Variants in GUCY1A2 observed in about 807,000 individuals in gnomAD.
GUCY1A2 encodes the protein guanylate cyclase soluble subunit alpha-2.
GUCY1A2 carries 27 observed loss-of-function variants against 63.5 expected under a neutral mutation model. The ratio of observed to expected loss-of-function variants is 0.43; its 90% CI spans 0.31 to 0.59. GUCY1A2 has a LOEUF of 0.59. Among genes scored for constraint, GUCY1A2 ranks in the 20% least tolerant of loss-of-function variants. The pLI is 0.11. For synonymous variants in GUCY1A2, 364 were observed against 343.5 expected (o/e 1.06, Z -0.66); for missense variants, 768 against 913.3 (o/e 0.84, Z 2.05).
At chr11:106,911,563 C>T (rs1377153662) in intron 4 of GUCY1A2, among the ~76,000 whole-genome samples, 1 of 151,976 alleles carries the variant, frequency 6.6e-6, no homozygotes, top group Non-Finnish European at 1.5e-5. Context: ...TTTAAATGCC[C>T]AAAGGTTGAT....
intron 4 of GUCY1A2, among the ~76,000 whole-genome samples, chr11:106,905,198 A>G (rs1860187483): frequency 6.6e-6 from 1 of 152,142 alleles, no homozygotes. Context: ...GAACAAAAAT[A>G]GACTGTTATA....
At chr11:106,718,826 T>C (rs965617726) in intron 6 of GUCY1A2, among the ~76,000 whole-genome samples, 1 of 152,090 alleles carries the variant, frequency 6.6e-6, no homozygotes, top group African/African-American at 2.4e-5. Context: ...CTGACCACTA[T>C]AATGAAGAGT....
chr11:107,007,472 G>C (rs80294320), intron 1 of GUCY1A2, among the ~76,000 whole-genome samples: 1 of 152,182 alleles, frequency 6.6e-6, no homozygotes, highest in South Asian at 2.1e-4. Context: ...CCACTCCAGC[G>C]GATTGTCCCC....
chr11:106,832,028 A>G (rs1336432625), intron 4 of GUCY1A2, among the ~76,000 whole-genome samples: 1 of 152,210 alleles, frequency 6.6e-6, no homozygotes, highest in Non-Finnish European at 1.5e-5. Flanking sequence ...TCTATGCCAT[A>G]AATTAATTAA....
At chr11:106,793,164 T>A (rs1453097578) in intron 5 of GUCY1A2, among the ~76,000 whole-genome samples, 2 of 152,100 alleles carry the variant, frequency 1.3e-5, no homozygotes, top group African/African-American at 4.8e-5. Flanking sequence ...TGATTGCATA[T>A]AAACAGACAC....
At chr11:106,904,830 A>G (rs1409553270) in intron 4 of GUCY1A2, among the ~76,000 whole-genome samples, 8 of 152,080 alleles carry the variant, frequency 5.3e-5, no homozygotes. Flanking sequence ...GAAAAAAAGT[A>G]TGATGCCAAT....
chr11:106,850,779 T>C (rs1591301646), intron 4 of GUCY1A2, among the ~76,000 whole-genome samples: 2 of 151,958 alleles, frequency 1.3e-5, no homozygotes, highest in East Asian at 1.9e-4. Context: ...TATTAGCTAT[T>C]GTAAATCGTG....
chr11:106,751,599 CATTTGCCAGTATTTTCTA>C (rs1339787145), intron 6 of GUCY1A2, among the ~76,000 whole-genome samples: 5 of 152,020 alleles, frequency 3.3e-5, no homozygotes, highest in Admixed American at 6.6e-5. Context: ...CGTGCAAAAA[CATTTGCCAGTATTTTCTA>C]ATTTGCCAGT....
chr11:106,870,628 C>T (rs763472918), intron 4 of GUCY1A2, among the ~76,000 whole-genome samples: 3 of 151,972 alleles, frequency 2.0e-5, no homozygotes, highest in African/African-American at 2.4e-5. Flanking sequence ...ATAATGGCTG[C>T]GTATGACCTT....
chr11:106,984,004 AAG>A (rs1439393257), intron 2 of GUCY1A2, among the ~76,000 whole-genome samples: 1 of 152,202 alleles, frequency 6.6e-6, no homozygotes, highest in Middle Eastern at 3.2e-3. Flanking sequence ...TGATTGTGAA[AAG>A]AGAAATAGAA....
intron 4 of GUCY1A2, among the ~76,000 whole-genome samples, chr11:106,928,618 G>C (rs894858639): frequency 6.6e-6 from 1 of 152,020 alleles, no homozygotes; most frequent in Non-Finnish European, 1.5e-5. Context: ...GCACACTGTT[G>C]GGCAATTTCA....
intron 4 of GUCY1A2, among the ~76,000 whole-genome samples, chr11:106,920,066 A>G (rs1370548404): frequency 6.6e-6 from 1 of 152,182 alleles, no homozygotes; most frequent in Non-Finnish European, 1.5e-5. Flanking sequence ...AATCTCTGAC[A>G]TATAATTACA....
chr11:106,708,901 A>G (rs999389037), intron 6 of GUCY1A2, among the ~76,000 whole-genome samples: 1 of 151,510 alleles, frequency 6.6e-6, no homozygotes, highest in Non-Finnish European at 1.5e-5. Context: ...ATATGAAAAA[A>G]TTTATGTTTA....
chr11:106,847,047 T>C (rs757182130), intron 4 of GUCY1A2, among the ~76,000 whole-genome samples: 13 of 151,220 alleles, frequency 8.6e-5, no homozygotes, highest in Non-Finnish European at 1.5e-4. Flanking sequence ...GTTTATTTTG[T>C]ACAGAATAAT....
At chr11:106,925,780 T>G (rs571682074) in intron 4 of GUCY1A2, among the ~76,000 whole-genome samples, 1 of 152,178 alleles carries the variant, frequency 6.6e-6, no homozygotes, top group African/African-American at 2.4e-5. Flanking sequence ...CTAAAAATAG[T>G]GTCTTAGTCA....
chr11:106,747,636 G>C (rs1225069461), intron 6 of GUCY1A2, among the ~76,000 whole-genome samples: 4 of 152,090 alleles, frequency 2.6e-5, no homozygotes, highest in Non-Finnish European at 5.9e-5. Context: ...ACCCCTTTTG[G>C]GGTTTATTCT....
chr11:106,879,384 T>C (rs749445851), intron 4 of GUCY1A2, among the ~76,000 whole-genome samples: 7 of 151,950 alleles, frequency 4.6e-5, no homozygotes, highest in Non-Finnish European at 1.0e-4. Context: ...TAAAGGAAAA[T>C]CCAGAACAGG....
At chr11:106,927,676 T>C (rs1860546012) in intron 4 of GUCY1A2, among the ~76,000 whole-genome samples, 1 of 151,664 alleles carries the variant, frequency 6.6e-6, no homozygotes, top group African/African-American at 2.4e-5. Flanking sequence ...GCCATTCTCC[T>C]GCCTCAACGT....
At chr11:106,953,540 G>A (rs534180905) in intron 3 of GUCY1A2, among the ~76,000 whole-genome samples, 39 of 152,142 alleles carry the variant, frequency 2.6e-4, no homozygotes, top group South Asian at 4.1e-4. Flanking sequence ...TTCATAAAAT[G>A]AGTTAGGGAA....
Sources: gnomAD v4.1 joint callset for allele counts (sites outside exome capture counted in the v4.1 genomes callset) on GRCh38, gnomAD v4.1.1 for gene constraint, MANE v1.5 for transcripts, NCBI Gene and HGNC (gene_info 2026-07-23, HGNC 2026-07-21) for gene names.